MB21D2: variants seen among roughly 807,000 people sequenced by gnomAD.
The protein encoded by MB21D2 is nucleotidyltransferase MB21D2.
A neutral mutation model predicts 33.3 loss-of-function variants in MB21D2; 9 were observed. The observed-to-expected ratio is 0.27, with a 90% CI of 0.16 to 0.47. The LOEUF (loss-of-function observed/expected upper bound fraction) is 0.47, where lower values mean the gene tolerates loss of function less well. Among genes scored for constraint, MB21D2 ranks in the 20% least tolerant of loss-of-function variants. The pLI is 0.99. For synonymous variants in MB21D2, 241 were observed against 236.3 expected (o/e 1.02, Z -0.18); for missense variants, 540 against 624.6 (o/e 0.86, Z 1.44).
chr3:192,828,658 A>G (rs1169086628), intron 1 of MB21D2, among the ~76,000 whole-genome samples: 1 of 62,446 alleles, frequency 1.6e-5, no homozygotes, highest in Non-Finnish European at 3.1e-5. Context: ...ATATATATAT[A>G]TATATTTTGA....
intron 1 of MB21D2, among the ~76,000 whole-genome samples, chr3:192,917,270 G>A (rs1009995669): frequency 6.6e-6 from 1 of 152,226 alleles, no homozygotes; most frequent in Admixed American, 6.5e-5. Context: ...CTCAACTGAA[G>A]GCACCTCAGG....
chr3:192,822,069 C>T (rs1316567423), intron 1 of MB21D2, among the ~76,000 whole-genome samples: 2 of 151,408 alleles, frequency 1.3e-5, no homozygotes, highest in South Asian at 2.1e-4. Flanking sequence ...TGATTCTAAA[C>T]AAACAAGTGT....
chr3:192,875,499 G>A (rs966866794), intron 1 of MB21D2, among the ~76,000 whole-genome samples: 5 of 152,086 alleles, frequency 3.3e-5, no homozygotes, highest in Non-Finnish European at 7.4e-5. Context: ...AAAGACTGTA[G>A]GTGGATTTTT....
chr3:192,872,479 G>A (rs558713074), intron 1 of MB21D2, among the ~76,000 whole-genome samples: 224 of 151,692 alleles, frequency 1.5e-3, no homozygotes, highest in South Asian at 0.015. Flanking sequence ...GGGAGGCTGA[G>A]GCAGGAGAGT....
chr3:192,900,176 C>G (rs963055849), intron 1 of MB21D2, among the ~76,000 whole-genome samples: 1 of 150,430 alleles, frequency 6.6e-6, no homozygotes, highest in Admixed American at 6.7e-5. Context: ...CCCAGCTACT[C>G]AGGAGGCTGA....
intron 1 of MB21D2, among the ~76,000 whole-genome samples, chr3:192,833,978 T>C (rs1182742726): frequency 1.3e-5 from 2 of 152,190 alleles, no homozygotes; most frequent in Admixed American, 6.5e-5. Flanking sequence ...GGTTGTCTCA[T>C]ATGTCTGTCT....
At chr3:192,816,090 T>C (rs1245311934) in intron 1 of MB21D2, among the ~76,000 whole-genome samples, 3 of 152,134 alleles carry the variant, frequency 2.0e-5, no homozygotes, top group Admixed American at 2.0e-4. Flanking sequence ...AAGCTATCAA[T>C]TGTCCCAGGG....
At chr3:192,866,896 G>T (rs56042321) in intron 1 of MB21D2, among the ~76,000 whole-genome samples, 46,547 of 151,888 alleles carry the variant, frequency 0.31, 7,737 homozygotes, top group East Asian at 0.57. Flanking sequence ...CACACACCTA[G>T]AAACTGACAT....
intron 1 of MB21D2, among the ~76,000 whole-genome samples, chr3:192,818,511 T>G (rs1711975485): frequency 6.6e-6 from 1 of 152,262 alleles, no homozygotes; most frequent in Admixed American, 6.5e-5. Context: ...ATGTGGTTCT[T>G]GGTTCAGAAA....
intron 1 of MB21D2, among the ~76,000 whole-genome samples, chr3:192,882,407 G>A (rs548075389): frequency 6.6e-6 from 1 of 151,856 alleles, no homozygotes; most frequent in Non-Finnish European, 1.5e-5. Context: ...ATGAATGAAC[G>A]TATATGCTCC....
chr3:192,799,338 G>A lies in MB21D2; in HGVS notation c.524C>T (p.Thr175Ile). 6.2e-7 allele frequency: 1 copy of A among 1,614,200 alleles called. No homozygotes were observed. Among genetic ancestry groups the A allele is most frequent in the Non-Finnish European group, 8.5e-7 (1 of 1,180,048 alleles). The change falls in exon 2 of 2, where the codon ACC (threonine) becomes ATC (isoleucine). Residue 175 changes from threonine to isoleucine, a missense_variant. Physicochemically the swap from Thr to Ile is moderately conservative, Grantham distance 89. Transcript: ENST00000392452. The surrounding 1 kb of genome is among the most constrained non-coding windows in gnomAD (Gnocchi z 4.1). ...TTTGGTAGGTGAGAAGAAGTAGTTGGTGGCACCATTGATGTGATCTACAAT... is the reference window on the plus strand; with the variant it reads ...TTTGGTAGGTGAGAAGAAGTAGTTGATGGCACCATTGATGTGATCTACAAT... ...CTIVDHINGATNYFFSPTKVA... is the reference protein window; with the variant it reads ...CTIVDHINGAINYFFSPTKVA...
intron 1 of MB21D2, among the ~76,000 whole-genome samples, chr3:192,910,393 G>T (rs766007067): frequency 6.6e-6 from 1 of 151,814 alleles, no homozygotes; most frequent in Non-Finnish European, 1.5e-5. Context: ...TAGGAGGATC[G>T]CTTGAGCCCA....
chr3:192,853,028 G>GTCTCTC (rs10541418), intron 1 of MB21D2, among the ~76,000 whole-genome samples: 3,627 of 148,444 alleles, frequency 0.024, 41 homozygotes, highest in Non-Finnish European at 0.026. Flanking sequence ...ATCTCTCTCT[G>GTCTCTC]TCTCTCTCTC....
At chr3:192,857,396 T>C (rs1467667205) in intron 1 of MB21D2, among the ~76,000 whole-genome samples, 1 of 152,180 alleles carries the variant, frequency 6.6e-6, no homozygotes, top group African/African-American at 2.4e-5. Context: ...CAAGGGAACA[T>C]TCAAAGTCAG....
intron 1 of MB21D2, among the ~76,000 whole-genome samples, chr3:192,917,061 C>A (rs1247444163): frequency 2.0e-5 from 3 of 152,232 alleles, no homozygotes; most frequent in Non-Finnish European, 4.4e-5. Flanking sequence ...TAGACTACTT[C>A]AGCGGGTTAC....
intron 1 of MB21D2, among the ~76,000 whole-genome samples, chr3:192,878,081 C>CTTTTTTTTTTTTT (rs11294126): frequency 1.7e-5 from 2 of 119,532 alleles, no homozygotes; most frequent in Admixed American, 9.6e-5. Context: ...AATTCCTCCT[C>CTTTTTTTTTTTTT]TTTTTTTTTT....
chr3:192,850,513 G>A (rs765822218), intron 1 of MB21D2, among the ~76,000 whole-genome samples: 1 of 152,208 alleles, frequency 6.6e-6, no homozygotes, highest in African/African-American at 2.4e-5. Context: ...AGCATGGTTA[G>A]ACTTGCTTGT....
chr3:192,879,086 A>G (rs921909673), intron 1 of MB21D2, among the ~76,000 whole-genome samples: 5 of 152,234 alleles, frequency 3.3e-5, no homozygotes, highest in Admixed American at 2.0e-4. Context: ...AAACTTCTGC[A>G]GGCCTTCCCT....
intron 1 of MB21D2, among the ~76,000 whole-genome samples, chr3:192,892,147 T>C (rs538960809): frequency 1.3e-5 from 2 of 152,312 alleles, no homozygotes; most frequent in East Asian, 1.9e-4. Context: ...GGCAGCTCCT[T>C]TGGCCCACAC....
Sources: gnomAD v4.1 joint callset for allele counts (sites outside exome capture counted in the v4.1 genomes callset) on GRCh38, gnomAD v4.1.1 for gene constraint, Gnocchi (gnomAD v3.1) non-coding constraint, MANE v1.5 for transcripts, NCBI Gene and HGNC (gene_info 2026-07-23, HGNC 2026-07-21) for gene names.